NRDC: variants seen among roughly 807,000 people sequenced by gnomAD.
NRDC encodes the protein nardilysin convertase.
In NRDC, 54 loss-of-function variants were observed where a neutral mutation model predicts 147.1. The ratio of observed to expected loss-of-function variants is 0.37; its 90% CI spans 0.29 to 0.46. The LOEUF (loss-of-function observed/expected upper bound fraction) is 0.46, where lower values mean the gene tolerates loss of function less well. Ranked by LOEUF, NRDC falls within the 20% of genes least tolerant of loss-of-function variation. The pLI is 1.00. For synonymous variants in NRDC, 440 were observed against 482.1 expected (o/e 0.91, Z 1.14); for missense variants, 1,082 against 1,370.6 (o/e 0.79, Z 3.33).
At chr1:51,850,537 C>A (rs148097539) in intron 1 of NRDC, among the ~76,000 whole-genome samples, 23 of 152,292 alleles carry the variant, frequency 1.5e-4, no homozygotes, top group African/African-American at 5.3e-4. Flanking sequence ...TTTCTGGCAC[C>A]TAGCTAGCCT....
rs536730623 is a variant in NRDC, at chr1:51,863,704, T to G, written c.341+14571A>C. Among the ~76,000 whole-genome samples the G allele has an allele frequency of 3.3e-5, 5 of 152,278 alleles. No individual in the cohort carries two copies. The East Asian group carries it at 9.6e-4, about 29-fold the overall frequency. ...GCAATTGAGGAGATCCCACCTAATT[T>G]AATTGGAAGTGACTGATCTATAGTG... On this transcript the variant is annotated intron_variant, in intron 1 of 30. Coordinates refer to ENST00000352171, the MANE Select transcript of NRDC (RefSeq NM_001101662.2).
At chr1:51,847,275 T>A (rs541342039) in intron 1 of NRDC, among the ~76,000 whole-genome samples, 30 of 152,312 alleles carry the variant, frequency 2.0e-4, no homozygotes, top group Middle Eastern at 3.4e-3. Context: ...ACATAAAGGT[T>A]CTCCGAGTCC....
chr1:51,840,242 T>G lies in NRDC; in HGVS notation c.614A>C (p.Lys205Thr). The change falls in exon 2 of 31, where the codon AAA (lysine) becomes ACA (threonine). Residue 205 changes from lysine (K) to threonine (T), a missense_variant. Physicochemically the swap from Lys to Thr is moderately conservative, Grantham distance 78 (BLOSUM62 -1). Around this residue, in one of 3 missense-constraint regions of NRDC, gnomAD observed 260 missense variants for 253.2 expected, o/e 1.03. Coordinates refer to ENST00000352171, the MANE Select transcript of NRDC (RefSeq NM_001101662.2). ...GACTCGCACCTGTTTTTCAGTAGTT[T>G]TTTTTCTAGCTTCTGCTCTCTCTTC... ...ELEERAEARK[K>T]TTEKQSAAAL... The G allele has an allele frequency of 3.1e-6, 5 of 1,595,420 alleles. No homozygotes were observed. Among genetic ancestry groups the G allele is most frequent in the Non-Finnish European group, 4.3e-6 (5 of 1,172,588 alleles).
chr1:51,835,116 C>T (rs1490371409), intron 3 of NRDC, among the ~76,000 whole-genome samples: 1 of 152,100 alleles, frequency 6.6e-6, no homozygotes, highest in African/African-American at 2.4e-5. Flanking sequence ...GGTTGGAGTG[C>T]AATGGCGTGA....
At position 51,798,321 on chromosome 1, in the gene NRDC, C is replaced by T. The variant is rs764324203; in HGVS notation, c.2532G>A (p.Leu844=). ...ALMDGLSLES[L]LSFVKEFKSQ... ...ATTTGAATTCTTTGACGAAGCTCAG[C>T]AGAGACTCAAGGGAAAGGCCGTCCA... The change falls in exon 22 of 31, where the codon CTG becomes CTA. Residue 844 remains leucine (L), a synonymous_variant. Coordinates refer to ENST00000352171, the MANE Select transcript of NRDC (RefSeq NM_001101662.2). 1.2e-6 allele frequency: 2 copies of T among 1,614,072 alleles called. No individual in the cohort carries two copies. Among genetic ancestry groups the T allele is most frequent in the Non-Finnish European group, 8.5e-7 (1 of 1,179,998 alleles).
At chr1:51,794,918 T>A (rs1678825663) in intron 22 of NRDC, 64 bp from the exon 23 acceptor site, 1 of 1,605,408 alleles carries the variant, frequency 6.2e-7, no homozygotes, top group Non-Finnish European at 8.5e-7. Flanking sequence ...CAGAATCAGC[T>A]AATATCAATG....
intron 1 of NRDC, among the ~76,000 whole-genome samples, chr1:51,865,895 CAA>C (rs201176817): frequency 1.5e-5 from 2 of 131,176 alleles, no homozygotes; most frequent in Non-Finnish European, 1.7e-5. Context: ...ACTAAATATA[CAA>C]AAAAAAAAAA....
intron 16 of NRDC, among the ~76,000 whole-genome samples, chr1:51,809,714 T>A (rs1398366892): frequency 6.6e-6 from 1 of 152,044 alleles, no homozygotes; most frequent in Non-Finnish European, 1.5e-5. Flanking sequence ...CTGACCAACA[T>A]GGTGAAACCC....
At chr1:51,792,904 G>A (rs1678720608) in intron 24 of NRDC, among the ~76,000 whole-genome samples, 1 of 152,204 alleles carries the variant, frequency 6.6e-6, no homozygotes, top group Non-Finnish European at 1.5e-5. Context: ...AAGAAGCCAC[G>A]CTTTGGGACC....
At chr1:51,820,960 T>C (rs1680183173) in intron 8 of NRDC, among the ~76,000 whole-genome samples, 1 of 152,130 alleles carries the variant, frequency 6.6e-6, no homozygotes, top group African/African-American at 2.4e-5. Context: ...AAAAAATGTT[T>C]AAATCATCCT....
intron 3 of NRDC, 118 bp from the exon 4 acceptor site, chr1:51,834,288 G>A (rs1680843904): frequency 2.9e-6 from 3 of 1,022,002 alleles, no homozygotes; most frequent in South Asian, 1.5e-5. Flanking sequence ...ACATCAAATG[G>A]TTATGTCTGA....
intron 1 of NRDC, among the ~76,000 whole-genome samples, chr1:51,877,812 T>C (rs1460570498): frequency 1.3e-5 from 2 of 152,224 alleles, no homozygotes; most frequent in Non-Finnish European, 2.9e-5. Context: ...GTTACTTTAC[T>C]GAAGCCACAC....
chr1:51,873,289 G>A (rs1401842799), intron 1 of NRDC, among the ~76,000 whole-genome samples: 1 of 152,074 alleles, frequency 6.6e-6, no homozygotes, highest in Non-Finnish European at 1.5e-5. Flanking sequence ...GCTCAGAAGT[G>A]AGCCACTTCA....
rs1242233563 is a variant in NRDC, at chr1:51,806,832, A to G, written c.2072T>C (p.Leu691Pro). The change falls in exon 18 of 31, where the codon CTG becomes CCG. Residue 691 changes from leucine (L) to proline (P), a missense_variant. Around this residue, in one of 3 missense-constraint regions of NRDC, gnomAD observed 635 missense variants for 923.8 expected, o/e 0.69. Coordinates refer to ENST00000352171, the MANE Select transcript of NRDC (RefSeq NM_001101662.2). ...GAATTTGTTGTCTTTCTTATACCACAGGCAACCTTGTGGAGTATTCACAAT... is the reference window on the plus strand; with the variant it reads ...GAATTTGTTGTCTTTCTTATACCACGGGCAACCTTGTGGAGTATTCACAAT... Reference protein sequence around the residue: ...VKIVNTPQGCLWYKKDNKFKI... With the variant: ...VKIVNTPQGCPWYKKDNKFKI... 2 of 1,613,930 alleles carry G rather than the reference A, an allele frequency of 1.2e-6. No homozygotes were observed. Among genetic ancestry groups the G allele is most frequent in the African/African-American group, 2.7e-5 (2 of 74,932 alleles).
chr1:51,815,788 A>G (rs1557908856), intron 11 of NRDC: 3 of 152,206 alleles, frequency 2.0e-5, no homozygotes, highest in African/African-American at 7.2e-5. Context: ...TTGATTCTAA[A>G]ATTGTATTTC....
At chr1:51,795,154 G>A (rs763182059) in intron 22 of NRDC, 1 of 1,373,296 alleles carries the variant, frequency 7.3e-7, no homozygotes, top group African/African-American at 1.4e-5. Flanking sequence ...CTAGGCTGTG[G>A]CCTTTATGAC....
chr1:51,858,609 A>G (rs922879741), intron 1 of NRDC, among the ~76,000 whole-genome samples: 2 of 152,218 alleles, frequency 1.3e-5, no homozygotes, highest in Admixed American at 6.5e-5. Flanking sequence ...AATGTTGATA[A>G]AATGTAAACC....
At chr1:51,803,329 G>A (rs957508058) in intron 20 of NRDC, among the ~76,000 whole-genome samples, 4 of 152,134 alleles carry the variant, frequency 2.6e-5, no homozygotes, top group African/African-American at 9.7e-5. Flanking sequence ...ACAAAAATTA[G>A]CTGGGTGTGG....
intron 1 of NRDC, among the ~76,000 whole-genome samples, chr1:51,866,685 T>C (rs1199630779): frequency 6.7e-6 from 1 of 150,348 alleles, no homozygotes; most frequent in Non-Finnish European, 1.5e-5. Context: ...TCAAAAGCAA[T>C]GTTAAACCAA....
Sources: allele counts gnomAD v4.1 joint callset (sites outside exome capture counted in the v4.1 genomes callset), GRCh38; gene constraint gnomAD v4.1.1; regional missense constraint gnomAD v4.1.1; transcripts MANE v1.5; gene names NCBI Gene and HGNC (gene_info 2026-07-23, HGNC 2026-07-21).